Variants in DENND1A observed in about 807,000 individuals in gnomAD.
DENND1A encodes DENN domain-containing protein 1A.
A neutral mutation model predicts 113.7 loss-of-function variants in DENND1A; 51 were observed. The ratio of observed to expected loss-of-function variants is 0.45; its 90% CI spans 0.36 to 0.57. The LOEUF is 0.57. Ranked by LOEUF, DENND1A falls within the 20% of genes least tolerant of loss-of-function variation. DENND1A has a pLI of 0.00. For synonymous variants in DENND1A, 565 were observed against 570.8 expected (o/e 0.99, Z 0.14); for missense variants, 1,258 against 1,395.9 (o/e 0.90, Z 1.57).
chr9:123,701,593 C>T (rs941965467), intron 5 of DENND1A, among the ~76,000 whole-genome samples: 22 of 152,208 alleles, frequency 1.4e-4, no homozygotes, highest in Admixed American at 3.3e-4. Flanking sequence ...CCCTATAACA[C>T]AGATTTGAGT....
intron 9 of DENND1A, among the ~76,000 whole-genome samples, chr9:123,645,929 T>C (rs1224180773): frequency 6.6e-6 from 1 of 152,192 alleles, no homozygotes; most frequent in Non-Finnish European, 1.5e-5. Context: ...AAATGAACTG[T>C]TATCCTCTCA....
rs1271909494 is a variant in DENND1A, at chr9:123,422,872, CCT to C, written c.1489-11045_1489-11044del. On this transcript the variant is annotated intron_variant, in intron 19 of 23. Coordinates refer to ENST00000394215, the MANE Select transcript of DENND1A (RefSeq NM_001352964.2). This position sits in a 1 kb window ranked among gnomAD's most constrained non-coding sequence, Gnocchi z 4.8. ...GGTCGATGTGCTTACCGCAGCAGCC[CCT>C]GAGCCCTCGGAGAACAAACAGGAAC... Among the ~76,000 whole-genome samples the C allele has an allele frequency of 7.2e-5, 11 of 152,148 alleles. No homozygotes were observed. The highest frequency in any genetic ancestry group is 2.4e-4 in the African/African-American group (10 of 41,424).
At chr9:123,668,099 A>C (rs2063578753) in intron 7 of DENND1A, among the ~76,000 whole-genome samples, 1 of 152,176 alleles carries the variant, frequency 6.6e-6, no homozygotes. Context: ...CTCAGAAGAC[A>C]ATGGCAAGCA....
intron 6 of DENND1A, among the ~76,000 whole-genome samples, chr9:123,675,897 A>T (rs2064048500): frequency 2.0e-5 from 3 of 152,262 alleles, no homozygotes; most frequent in Admixed American, 1.3e-4. Context: ...GAAACAATCC[A>T]AAATGAAGAA....
At chr9:123,560,530 T>C (rs1589138608) in intron 12 of DENND1A, among the ~76,000 whole-genome samples, 1 of 151,834 alleles carries the variant, frequency 6.6e-6, no homozygotes, top group East Asian at 1.9e-4. Context: ...CTATAAAAAA[T>C]ATAAAAAGAT....
chr9:123,623,969 T>TAGC (rs1475878982), intron 10 of DENND1A, among the ~76,000 whole-genome samples: 2 of 152,336 alleles, frequency 1.3e-5, no homozygotes, highest in East Asian at 3.9e-4. Context: ...TGAAAACTCC[T>TAGC]AGCAGCATGT....
At chr9:123,535,068 T>C (rs921510930) in intron 13 of DENND1A, among the ~76,000 whole-genome samples, 5 of 152,146 alleles carry the variant, frequency 3.3e-5, no homozygotes, top group Non-Finnish European at 7.3e-5. Context: ...CTGTCACCTC[T>C]ACCCAAATAA....
In DENND1A at chr9:123,545,165, T is replaced by C. The variant is rs1353092291; in HGVS notation, c.993+12405A>G. ...CATCCTACTGAGCACCTTCTATGTA[T>C]CAGGTTCTGTGCCAAGGATACATGA... is the stretch of plus-strand genomic sequence containing the variant. On this transcript the variant is annotated intron_variant, in intron 13 of 23. Coordinates refer to ENST00000394215, the MANE Select transcript of DENND1A (RefSeq NM_001352964.2). Among the ~76,000 whole-genome samples, 4 of 151,992 alleles carry C rather than the reference T, an allele frequency of 2.6e-5. 1 individual carries two copies. The highest frequency in any genetic ancestry group is 1.3e-4 in the Admixed American group (2 of 15,264).
intron 19 of DENND1A, among the ~76,000 whole-genome samples, chr9:123,430,251 T>C (rs1257753053): frequency 6.6e-6 from 1 of 152,192 alleles, no homozygotes; most frequent in Non-Finnish European, 1.5e-5. Flanking sequence ...GAGTGTAAAT[T>C]AGTTCAACCA....
At chr9:123,453,255 C>A (rs910571534) in intron 16 of DENND1A, among the ~76,000 whole-genome samples, 1 of 152,180 alleles carries the variant, frequency 6.6e-6, no homozygotes, top group Non-Finnish European at 1.5e-5. Context: ...GCTGTAATGG[C>A]TGTGTGCACA....
At chr9:123,898,383 G>T (rs1375067900) in intron 1 of DENND1A, among the ~76,000 whole-genome samples, 1 of 152,116 alleles carries the variant, frequency 6.6e-6, no homozygotes, top group African/African-American at 2.4e-5. Context: ...AGACTGGAGT[G>T]CAATGACATG....
At chr9:123,787,100 C>A (rs936868415) in intron 3 of DENND1A, among the ~76,000 whole-genome samples, 2 of 152,090 alleles carry the variant, frequency 1.3e-5, no homozygotes. Flanking sequence ...ACTGGCAGAA[C>A]CTTTGTGGAA....
At chr9:123,451,684 C>G (rs2047729725) in intron 17 of DENND1A, among the ~76,000 whole-genome samples, 1 of 152,168 alleles carries the variant, frequency 6.6e-6, no homozygotes, top group South Asian at 2.1e-4. Context: ...GTCTCAGAAA[C>G]AGAGGCAGGG....
At chr9:123,822,568 T>C (rs928929775) in intron 2 of DENND1A, among the ~76,000 whole-genome samples, 12 of 152,140 alleles carry the variant, frequency 7.9e-5, no homozygotes, top group African/African-American at 2.9e-4. Context: ...AAAAATGGGA[T>C]ATATCCTCAT....
chr9:123,678,431 GAGA>G (rs1334325075), intron 5 of DENND1A, among the ~76,000 whole-genome samples: 13 of 152,302 alleles, frequency 8.5e-5, no homozygotes, highest in Admixed American at 2.6e-4. Context: ...AACAGCAAGC[GAGA>G]AGAAGGTTGT....
chr9:123,738,313 G>A (rs538989736), intron 5 of DENND1A, among the ~76,000 whole-genome samples: 13 of 152,132 alleles, frequency 8.5e-5, no homozygotes, highest in African/African-American at 3.1e-4. Flanking sequence ...GCACACTGCT[G>A]ACATCTGGGC....
chr9:123,500,055 T>A (rs1436858010), intron 13 of DENND1A, among the ~76,000 whole-genome samples: 1 of 152,220 alleles, frequency 6.6e-6, no homozygotes, highest in Non-Finnish European at 1.5e-5. Flanking sequence ...TAAAGATAAC[T>A]AGTGAGTACT....
intron 9 of DENND1A, among the ~76,000 whole-genome samples, chr9:123,644,663 G>C (rs1387408412): frequency 6.6e-6 from 1 of 152,132 alleles, no homozygotes; most frequent in Non-Finnish European, 1.5e-5. Context: ...CACTTCGAAG[G>C]GGCTACGATT....
At chr9:123,586,975 G>T (rs776851422) in intron 11 of DENND1A, among the ~76,000 whole-genome samples, 1 of 151,910 alleles carries the variant, frequency 6.6e-6, no homozygotes, top group South Asian at 2.1e-4. Context: ...CCAGCAGCCC[G>T]CAATGCAACG....
Sources: gnomAD v4.1 joint callset for allele counts (sites outside exome capture counted in the v4.1 genomes callset) on GRCh38, gnomAD v4.1.1 for gene constraint, Gnocchi (gnomAD v3.1) non-coding constraint, MANE v1.5 for transcripts, NCBI Gene and HGNC (gene_info 2026-07-23, HGNC 2026-07-21) for gene names.